The following NEK1 variants were observed in gnomAD, a reference collection of about 807,000 sequenced individuals.
The protein encoded by NEK1 is serine/threonine-protein kinase Nek1.
A neutral mutation model predicts 182.1 loss-of-function variants in NEK1; 137 were observed. The observed-to-expected ratio is 0.75, with a 90% CI of 0.65 to 0.87. The LOEUF is 0.87. Among genes scored for constraint, NEK1 ranks in the 40% least tolerant of loss-of-function variants. The pLI, the probability that NEK1 is intolerant of heterozygous loss-of-function variation, is 0.00. For missense variants in NEK1, 1,391 were observed against 1,494.4 expected (o/e 0.93, Z 1.14); for synonymous variants, 513 against 492.2 (o/e 1.04, Z -0.56).
rs748357544 is a variant in NEK1 at position 169,400,311 on chromosome 4, A to G, written c.3761T>C (p.Ile1254Thr). 2.6e-6 allele frequency: 4 copies of G among 1,543,676 alleles called. No homozygotes were observed. Among genetic ancestry groups the G allele is most frequent in the Admixed American group, 2.0e-5 (1 of 51,032 alleles). The change falls in exon 35 of 36, where the codon ATA (isoleucine) becomes ACA (threonine). Residue 1254 changes from isoleucine (I) to threonine (T), a missense_variant. Ile to Thr is a moderately conservative substitution (Grantham distance 89). Around this residue, in one of 5 missense-constraint regions of NEK1, gnomAD observed 1,216 missense variants for 1,277.6 expected, o/e 0.95. Coordinates refer to ENST00000507142, the MANE Select transcript of NEK1 (RefSeq NM_001199397.3). Reference sequence around the variant, plus strand: ...TTCATTTCCCAAAATATTTTGAACTATTTTTGAACAAATTTCAATATTTTC... The same window carrying G: ...TTCATTTCCCAAAATATTTTGAACTGTTTTTGAACAAATTTCAATATTTTC... ...EDENIEICSK[I>T]VQNILGNEHQ...
intron 23 of NEK1, among the ~76,000 whole-genome samples, chr4:169,502,541 A>G (rs1752583708): frequency 6.6e-6 from 1 of 152,176 alleles, no homozygotes; most frequent in Non-Finnish European, 1.5e-5. Context: ...TGTATGATCA[A>G]GTGAGCCTTA....
chr4:169,469,758 TC>T (rs1186316580), intron 26 of NEK1, among the ~76,000 whole-genome samples: 1 of 152,160 alleles, frequency 6.6e-6, no homozygotes, highest in Non-Finnish European at 1.5e-5. Context: ...AGTCTAAGTC[TC>T]CTTGTAGGTC....
At chr4:169,442,290 A>G (rs1490031934) in intron 27 of NEK1, among the ~76,000 whole-genome samples, 3 of 152,168 alleles carry the variant, frequency 2.0e-5, no homozygotes, top group Non-Finnish European at 4.4e-5. Flanking sequence ...GTCTCCACTA[A>G]CAATCATAAC....
chr4:169,562,860 T>C (rs1042863047), intron 12 of NEK1, among the ~76,000 whole-genome samples: 2 of 152,222 alleles, frequency 1.3e-5, no homozygotes, highest in Admixed American at 1.3e-4. Flanking sequence ...TTTTATATAC[T>C]GTTTACCTAA....
chr4:169,476,987 C>A (rs146752311), intron 26 of NEK1, 137 bp downstream of exon 26: 2 of 578,780 alleles, frequency 3.5e-6, no homozygotes, highest in Non-Finnish European at 5.7e-6. Flanking sequence ...CACTTCTATT[C>A]GCCCAAAAGG....
chr4:169,457,526 C>T (rs541519408), intron 27 of NEK1, among the ~76,000 whole-genome samples: 12 of 150,520 alleles, frequency 8.0e-5, no homozygotes, highest in South Asian at 4.2e-4. Context: ...CTGAGGCAGG[C>T]GGATCACTTG....
chr4:169,439,213 G>A (rs1031550366), intron 27 of NEK1, among the ~76,000 whole-genome samples: 1 of 152,108 alleles, frequency 6.6e-6, no homozygotes. Flanking sequence ...GGGTTAAAAT[G>A]GTTGAAGAAA....
rs1454056824 is a variant in NEK1, at chr4:169,576,910, T to C, written c.1020+18A>G. The C allele has an allele frequency of 6.3e-7, 1 of 1,578,254 alleles. No individual in the cohort carries two copies. The highest frequency in any genetic ancestry group is 1.1e-5 in the South Asian group (1 of 88,094). Reference sequence around the variant, plus strand: ...AATTGAATTTGTTATTAACACATGGTATGTAACATGATCATACCTGTTTAT... The same window carrying C: ...AATTGAATTTGTTATTAACACATGGCATGTAACATGATCATACCTGTTTAT... On this transcript the variant is annotated intron_variant, in intron 12 of 35. Transcript: ENST00000507142.
intron 33 of NEK1, among the ~76,000 whole-genome samples, chr4:169,401,169 T>A (rs1731614702): frequency 6.6e-6 from 1 of 152,184 alleles, no homozygotes; most frequent in Non-Finnish European, 1.5e-5. Flanking sequence ...CACATTAGCT[T>A]TTCTTCCTAA....
chr4:169,506,972 A>ATT, intron 23 of NEK1, 65 bp downstream of exon 23: 1 of 1,029,834 alleles, frequency 9.7e-7, no homozygotes, highest in Non-Finnish European at 1.4e-6. Flanking sequence ...ATACTGATGT[A>ATT]CTACCCAGGA....
rs1287546154 is a variant in NEK1, at chr4:169,508,361, A to G, written c.1750-30T>C. On this transcript the variant is annotated intron_variant, in intron 20 of 35. Coordinates refer to ENST00000507142, the MANE Select transcript of NEK1 (RefSeq NM_001199397.3). ...AAGGAGGCAAAAACCCCAACATAAT[A>G]ATGTAAAAGCAAAGCTATTGACATT... 3 of 1,509,004 alleles carry G rather than the reference A, an allele frequency of 2.0e-6. No individual in the cohort carries two copies. In the South Asian group the frequency reaches 3.9e-5, roughly 20 times the overall value. The allele number at this position is 1,509,004 out of a possible 1,614,324, so 93.5% of individuals were successfully genotyped here.
chr4:169,540,941 T>C (rs1015156488), intron 18 of NEK1, among the ~76,000 whole-genome samples: 5 of 152,082 alleles, frequency 3.3e-5, no homozygotes, highest in African/African-American at 1.2e-4. Flanking sequence ...CTTTTCTTAT[T>C]GTAAACACAT....
rs1332608088 is a variant in NEK1, at chr4:169,426,228, T to C, written c.2892A>G (p.Ala964=). ...EEKETKETQS[A]DRITIQENEV... ...CATTTTCCTGAATGGTGATCCTATC[T>C]GCCGACCTGCCACAGATGGGTACAC... Residue 964 remains alanine, a synonymous_variant, in exon 30 of 36, where the codon GCA becomes GCG. Transcript: ENST00000507142. The C allele has an allele frequency of 1.2e-6, 2 of 1,612,892 alleles. No individual in the cohort carries two copies. The highest frequency in any genetic ancestry group is 3.3e-5 in the Admixed American group (2 of 59,908).
intron 18 of NEK1, among the ~76,000 whole-genome samples, chr4:169,548,525 C>T (rs919850634): frequency 2.5e-4 from 38 of 152,242 alleles, no homozygotes; most frequent in African/African-American, 8.2e-4. Flanking sequence ...CTCTTCAGAG[C>T]TGCCAAGCAG....
In NEK1 at chr4:169,449,297, G is replaced by A. The variant is rs1741241632; in HGVS notation, c.2588-11038C>T. Among the ~76,000 whole-genome samples the A allele has an allele frequency of 2.0e-5, 3 of 152,354 alleles. No individual in the cohort carries two copies. In the South Asian group the frequency reaches 6.2e-4, roughly 32 times the overall value. ...CGACCCTGTCTAACAGCTCTGAAGAGAGCAGTGGTTCTCCCAGCATGGTGC... is the reference window on the plus strand; with the variant it reads ...CGACCCTGTCTAACAGCTCTGAAGAAAGCAGTGGTTCTCCCAGCATGGTGC... On this transcript the variant is annotated intron_variant, in intron 27 of 35. Coordinates refer to ENST00000507142, the MANE Select transcript of NEK1 (RefSeq NM_001199397.3).
intron 23 of NEK1, among the ~76,000 whole-genome samples, chr4:169,497,661 T>A (rs1258097536): frequency 6.6e-6 from 1 of 152,226 alleles, no homozygotes; most frequent in Non-Finnish European, 1.5e-5. Flanking sequence ...TTTCATTATG[T>A]ACCCAGTAGT....
At position 169,437,045 on chromosome 4, in the gene NEK1, C is replaced by T. The variant is rs376507040; in HGVS notation, c.2764+1038G>A. 4.6e-5 allele frequency among the ~76,000 whole-genome samples: 7 copies of T among 152,202 alleles called. No homozygotes were observed. In the East Asian group the frequency reaches 7.7e-4, roughly 17 times the overall value. ...CAAACATAGTGCAAAAGAGAAGAGC[C>T]CTTGAGCACACCAAGCTTTGGTGCA... On this transcript the variant is annotated intron_variant, in intron 28 of 35. Coordinates refer to ENST00000507142, the MANE Select transcript of NEK1 (RefSeq NM_001199397.3).
At position 169,602,065 on chromosome 4, in the gene NEK1, C is replaced by A. The variant is rs2150139274; in HGVS notation, c.157G>T (p.Ala53Ser). The A allele has an allele frequency of 6.2e-6, 10 of 1,613,350 alleles. No homozygotes were observed. Among genetic ancestry groups the A allele is most frequent in the South Asian group, 2.2e-5 (2 of 91,062 alleles). ...KEREESRREVAVLANMKHPNI... is the reference protein window; with the variant it reads ...KEREESRREVSVLANMKHPNI... ...GGATGCTTCATGTTTGCCAATACTG[C>A]AACTTCTCTCCTTGATTCTTCTCTT... The change falls in exon 4 of 36, where the codon GCA becomes TCA. Residue 53 changes from alanine to serine, a missense_variant. Physicochemically the swap from Ala to Ser is moderately conservative, Grantham distance 99 (BLOSUM62 1). This residue lies in a region of NEK1 where 3 missense variants were observed against 20.0 expected (regional missense o/e 0.15). Coordinates refer to ENST00000507142, the MANE Select transcript of NEK1 (RefSeq NM_001199397.3).
intron 12 of NEK1, among the ~76,000 whole-genome samples, chr4:169,566,885 C>G (rs1763773676): frequency 6.6e-6 from 1 of 152,074 alleles, no homozygotes; most frequent in East Asian, 1.9e-4. Flanking sequence ...GGGTGGATCA[C>G]TTGAGCCCAG....
Sources: gnomAD v4.1 joint callset for allele counts (sites outside exome capture counted in the v4.1 genomes callset) on GRCh38, gnomAD v4.1.1 for gene constraint, gnomAD v4.1.1 regional missense constraint, MANE v1.5 for transcripts, NCBI Gene and HGNC (gene_info 2026-07-23, HGNC 2026-07-21) for gene names.